CNTNAP5: variants seen among roughly 807,000 people sequenced by gnomAD.
The protein encoded by CNTNAP5 is contactin associated protein family member 5, also known as contactin-associated protein-like 5.
Under a neutral mutation model 150.2 loss-of-function variants are expected in CNTNAP5, and 72 were observed. The ratio of observed to expected loss-of-function variants is 0.48; its 90% confidence interval spans 0.40 to 0.58. The LOEUF is 0.58. Among genes scored for constraint, CNTNAP5 ranks in the 20% least tolerant of loss-of-function variants. The probability of loss-of-function intolerance (pLI) is 0.00; values close to 1 mark genes in which losing one functional copy is unlikely to be tolerated. For missense variants in CNTNAP5, 1,636 were observed against 1,626.2 expected (o/e 1.01, Z -0.10); for synonymous variants, 672 against 619.8 (o/e 1.08, Z -1.25).
chr2:124,137,157 G>A (rs1348360240), intron 1 of CNTNAP5, among the ~76,000 whole-genome samples: 2 of 152,066 alleles, frequency 1.3e-5, no homozygotes, highest in Non-Finnish European at 2.9e-5. Context: ...GTACTGCCTA[G>A]AACATGGTCT....
chr2:124,728,805 C>T (rs962736966), intron 13 of CNTNAP5, among the ~76,000 whole-genome samples: 3 of 151,996 alleles, frequency 2.0e-5, no homozygotes. Context: ...TAAAATCTGG[C>T]AACTCCACAA....
chr2:124,065,587 A>G (rs1275833172), intron 1 of CNTNAP5, among the ~76,000 whole-genome samples: 1 of 152,180 alleles, frequency 6.6e-6, no homozygotes, highest in African/African-American at 2.4e-5. Flanking sequence ...AATTCGTTAA[A>G]CAGTTGTACA....
At chr2:124,545,950 G>A (rs986141508) in intron 10 of CNTNAP5, among the ~76,000 whole-genome samples, 1 of 152,012 alleles carries the variant, frequency 6.6e-6, no homozygotes, top group East Asian at 1.9e-4. Context: ...ATAAAACATT[G>A]AAAGTTAGAC....
intron 8 of CNTNAP5, among the ~76,000 whole-genome samples, chr2:124,518,300 A>G (rs1694776841): frequency 6.6e-6 from 1 of 152,190 alleles, no homozygotes; most frequent in South Asian, 2.1e-4. Flanking sequence ...TGTTTTATCT[A>G]GAAAGATATA....
At chr2:124,399,227 C>G (rs1297404749) in intron 3 of CNTNAP5, among the ~76,000 whole-genome samples, 1 of 152,030 alleles carries the variant, frequency 6.6e-6, no homozygotes, top group Non-Finnish European at 1.5e-5. Flanking sequence ...AGAAAAGGAA[C>G]AGAGGAGTGA....
At chr2:124,792,501 A>AT (rs1340964542) in intron 18 of CNTNAP5, among the ~76,000 whole-genome samples, 1 of 151,914 alleles carries the variant, frequency 6.6e-6, no homozygotes, top group Admixed American at 6.6e-5. Flanking sequence ...TGTTTTGTGT[A>AT]TTTTTTCTCT....
Position 124,036,042 on chromosome 2 carries a change from A to G in CNTNAP5, c.82+10310A>G, listed in dbSNP as rs376269744. On this transcript the variant is annotated intron_variant, in intron 1 of 23. Coordinates refer to ENST00000682447, the MANE Select transcript of CNTNAP5 (RefSeq NM_001367498.1). ...CGGGTTCACGCCATTCTCCTGCCTC[A>G]GCCTCCCGAGTAGCTGGGACTACAG... 4.2e-3 allele frequency among the ~76,000 whole-genome samples: 615 copies of G among 146,442 alleles called. 3 individuals are homozygous for G. Among genetic ancestry groups the G allele is most frequent in the African/African-American group, 0.015 (587 of 39,464 alleles).
intron 13 of CNTNAP5, among the ~76,000 whole-genome samples, chr2:124,695,135 A>G (rs1679379893): frequency 1.3e-5 from 2 of 152,158 alleles, no homozygotes; most frequent in Non-Finnish European, 1.5e-5. Context: ...ACATCAGGCC[A>G]TGATTTGTAT....
intron 1 of CNTNAP5, among the ~76,000 whole-genome samples, chr2:124,087,659 T>G (rs1011364696): frequency 6.6e-6 from 1 of 151,694 alleles, no homozygotes; most frequent in East Asian, 1.9e-4. Flanking sequence ...GAGGCGGAGG[T>G]TACAGTGAGC....
At chr2:124,908,049 G>T (rs1191702409) in intron 22 of CNTNAP5, among the ~76,000 whole-genome samples, 1 of 151,784 alleles carries the variant, frequency 6.6e-6, no homozygotes, top group East Asian at 1.9e-4. Context: ...ACTCAATAAG[G>T]GAGAAACCAT....
chr2:124,048,569 T>A (rs1246334042), intron 1 of CNTNAP5, among the ~76,000 whole-genome samples: 1 of 152,228 alleles, frequency 6.6e-6, no homozygotes, highest in African/African-American at 2.4e-5. Flanking sequence ...TTTCTTAAAT[T>A]GTTTGCCAAA....
chr2:124,518,994 CAAAAA>C (rs35578704), intron 8 of CNTNAP5, among the ~76,000 whole-genome samples: 2 of 48,114 alleles, frequency 4.2e-5, no homozygotes, highest in Non-Finnish European at 7.6e-5. Flanking sequence ...GCCTGGGCCG[CAAAAA>C]AAAAAAAAAA....
At chr2:124,033,306 G>A (rs1011421584) in intron 1 of CNTNAP5, among the ~76,000 whole-genome samples, 20 of 152,168 alleles carry the variant, frequency 1.3e-4, no homozygotes, top group African/African-American at 4.8e-4. Flanking sequence ...ACCTTTAGAA[G>A]CAGAAATATC....
At chr2:124,257,729 G>A (rs1265743915) in intron 3 of CNTNAP5, among the ~76,000 whole-genome samples, 5 of 147,744 alleles carry the variant, frequency 3.4e-5, no homozygotes, top group Admixed American at 6.8e-5. Flanking sequence ...ACCCCCCTCC[G>A]CCCCCACCCA....
intron 1 of CNTNAP5, among the ~76,000 whole-genome samples, chr2:124,050,659 C>T (rs1681671822): frequency 6.6e-6 from 1 of 152,130 alleles, no homozygotes; most frequent in African/African-American, 2.4e-5. Context: ...TCCCTCCTTA[C>T]ATGGTACCTT....
At chr2:124,711,458 T>G (rs1339632181) in intron 13 of CNTNAP5, among the ~76,000 whole-genome samples, 3 of 152,174 alleles carry the variant, frequency 2.0e-5, no homozygotes, top group Non-Finnish European at 4.4e-5. Context: ...TGTCTCTATC[T>G]GCTTTAGTTC....
intron 1 of CNTNAP5, among the ~76,000 whole-genome samples, chr2:124,031,805 G>A (rs1387758910): frequency 6.6e-6 from 1 of 152,066 alleles, no homozygotes; most frequent in Non-Finnish European, 1.5e-5. Context: ...AGAAGTTTGG[G>A]TTATACTCAA....
chr2:124,389,062 T>C lies in CNTNAP5; in HGVS notation c.382-28381T>C, dbSNP rs190676943. The stretch of plus-strand genomic sequence containing the variant: ...CCATATTTTCTTCTACATCTCTTTT[T>C]TTAAAAATCTTATTTCAATGGAGTC... On this transcript the variant is annotated intron_variant, in intron 3 of 23. Coordinates refer to ENST00000682447, the MANE Select transcript of CNTNAP5 (RefSeq NM_001367498.1). Among the ~76,000 whole-genome samples, 200 of 152,320 alleles carry C rather than the reference T, an allele frequency of 1.3e-3. 1 individual carries two copies. The highest frequency in any genetic ancestry group is 8.5e-3 in the South Asian group (41 of 4,826).
intron 19 of CNTNAP5, among the ~76,000 whole-genome samples, chr2:124,820,469 G>GA (rs1179098620): frequency 6.8e-6 from 1 of 147,978 alleles, no homozygotes; most frequent in African/African-American, 2.6e-5. Flanking sequence ...GAAAGGAAGG[G>GA]GAAAAAAAAA....
Sources: allele counts gnomAD v4.1 joint callset (sites outside exome capture counted in the v4.1 genomes callset), GRCh38; gene constraint gnomAD v4.1.1; transcripts MANE v1.5; gene names NCBI Gene and HGNC (gene_info 2026-07-23, HGNC 2026-07-21).